CAPS: variants seen among roughly 807,000 people sequenced by gnomAD.
The protein encoded by CAPS is calcyphosin.
Under a neutral mutation model 15.5 loss-of-function variants are expected in CAPS, and 16 were observed. That is an observed-to-expected ratio of 1.03 (90% CI 0.70 to 1.57). The LOEUF (loss-of-function observed/expected upper bound fraction) is 1.57, where lower values mean the gene tolerates loss of function less well. Among genes scored for constraint, CAPS ranks in the 40% most tolerant of loss-of-function variants. CAPS has a pLI of 0.00. For missense variants in CAPS, 294 were observed against 278.4 expected, an observed-to-expected ratio of 1.06 and a Z score of -0.40; for synonymous variants, 121 against 116.0, an observed-to-expected ratio of 1.04 and a Z score of -0.28.
At chr19:5,914,790 A>G in intron 3 of CAPS, 50 bp downstream of exon 3, 2 of 1,574,138 alleles carry the variant, frequency 1.3e-6, no homozygotes, top group Non-Finnish European at 1.7e-6. Context: ...ATGGGGCGAC[A>G]GAGGATGCTG....
At chr19:5,914,887 T>G in intron 3 of CAPS, 53 bp from the exon 4 acceptor site, 1 of 1,564,180 alleles carries the variant, frequency 6.4e-7, no homozygotes, top group Non-Finnish European at 8.6e-7. Flanking sequence ...GCACAGCGTC[T>G]TGGGGGTTTG....
Position 5,914,734 on chromosome 19 carries a change from G to A in CAPS, c.255G>A (p.Ala85=), listed in dbSNP as rs1445791373. 34 of 1,607,934 alleles carry A rather than the reference G, an allele frequency of 2.1e-5. No homozygotes were observed. Among genetic ancestry groups the A allele is most frequent in the Non-Finnish European group, 2.6e-5 (31 of 1,177,016 alleles). The change falls in exon 3 of 5, where the codon GCG becomes GCA. Residue 85 remains alanine, a synonymous_variant. Coordinates refer to ENST00000588776, the MANE Select transcript of CAPS (RefSeq NM_004058.5). ...TGGATCTGGAGGAGTTCCTTCGGGC[G>A]CTGCGGGTGAGCCCCCACCTCACAG... ...GTLDLEEFLR[A]LRPPMSQARE...
rs778644633 is a variant in CAPS, at chr19:5,914,941, C to T, written c.263C>T (p.Pro88Leu). The T allele has an allele frequency of 1.2e-6, 2 of 1,601,996 alleles. No homozygotes were observed. The highest frequency in any genetic ancestry group is 1.3e-5 in the African/African-American group (1 of 75,026). ...DLEEFLRALR[P>L]PMSQAREAVI... ...CCCAGTCACCACCTCCTGTCCCAGC[C>T]CCCCATGTCCCAGGCCCGGGAGGCT... is the stretch of plus-strand genomic sequence containing the variant. The change falls in exon 4 of 5, where the codon CCC (proline) becomes CTC (leucine). Residue 88 changes from proline (P) to leucine (L), a missense_variant and splice_region_variant. Physicochemically the swap from Pro to Leu is moderately conservative, Grantham distance 98. Coordinates refer to ENST00000588776, the MANE Select transcript of CAPS (RefSeq NM_004058.5).
chr19:5,914,651 GAC>G lies in CAPS; in HGVS notation c.173_174del (p.Asp58AlafsTer94). The G allele has an allele frequency of 1.2e-6, 2 of 1,614,016 alleles. No homozygotes were observed. The highest frequency in any genetic ancestry group is 8.5e-7 in the Non-Finnish European group (1 of 1,179,970). On this transcript the variant is annotated frameshift_variant, in exon 3 of 5. Transcript: ENST00000588776. LOFTEE classifies it high-confidence loss of function. ...TCTGGCCAAACTCGGGCTGGTGCTGGACCAGGCGGAGGCAGAGGGTGTGTGCA... is the reference window on the plus strand; with the variant it reads ...TCTGGCCAAACTCGGGCTGGTGCTGGCAGGCGGAGGCAGAGGGTGTGTGCA... ...QGLAKLGLVL[D>X]QAEAEGVCRK...
At position 5,915,244 on chromosome 19, in the gene CAPS, C is replaced by A. The variant is rs755230605; in HGVS notation, c.492C>A (p.Asp164Glu). ...DGQVTLAEFQ[D>E]YYSGVSASMN... ...AGGTCACACTGGCGGAATTCCAGGA[C>A]TACTACAGCGGCGTGAGTGCCTCCA... Residue 164 changes from aspartate (D) to glutamate (E), a missense_variant, in exon 5 of 5, where the codon GAC (aspartate) becomes GAA (glutamate). Physicochemically the swap from Asp to Glu is conservative, Grantham distance 45. Coordinates refer to ENST00000588776, the MANE Select transcript of CAPS (RefSeq NM_004058.5). The A allele has an allele frequency of 1.2e-6, 2 of 1,613,100 alleles. No homozygotes were observed. The highest frequency in any genetic ancestry group is 1.7e-6 in the Non-Finnish European group (2 of 1,179,854).
In CAPS at chr19:5,915,312, GGCAGCTGTGA is replaced by G; in HGVS notation, c.567_*6del. On this transcript the variant is annotated frameshift_variant and stop_lost, in exon 5 of 5. Transcript: ENST00000588776. LOFTEE classifies it high-confidence loss of function. Reference sequence around the variant, plus strand: ...TTCGTGGCCATGATGACCAGTGCCTGGCAGCTGTGAGCAGCTCCGGCTCAGCCCTGCTGCC... The same window carrying G: ...TTCGTGGCCATGATGACCAGTGCCTGGCAGCTCCGGCTCAGCCCTGCTGCC... 1 of 1,609,560 alleles carries G rather than the reference GGCAGCTGTGA, an allele frequency of 6.2e-7. No homozygotes were observed. Among genetic ancestry groups the G allele is most frequent in the Non-Finnish European group, 8.5e-7 (1 of 1,178,916 alleles).
chr19:5,915,052 G>A lies in CAPS; in HGVS notation c.374G>A (p.Arg125His), dbSNP rs752411398. Residue 125 changes from arginine (R) to histidine (H), a missense_variant, in exon 4 of 5, where the codon CGT (arginine) becomes CAT (histidine). By Grantham distance (29) the Arg-to-His change is conservative. Coordinates refer to ENST00000588776, the MANE Select transcript of CAPS (RefSeq NM_004058.5). ...VDDLRGVYSG[R>H]AHPKVRSGEW... Reference sequence around the variant, plus strand: ...GACCTCCGCGGGGTGTACAGTGGCCGTGCCCACCCCAAGGTGCGCAGTGGG... The same window carrying A: ...GACCTCCGCGGGGTGTACAGTGGCCATGCCCACCCCAAGGTGCGCAGTGGG... 9.3e-6 allele frequency: 15 copies of A among 1,612,754 alleles called. No individual in the cohort carries two copies. Among genetic ancestry groups the A allele is most frequent in the Admixed American group, 1.7e-5 (1 of 59,988 alleles).
Position 5,914,632 on chromosome 19 carries a change from C to T in CAPS, c.153C>T (p.Ala51=). ...CTGATGAGTTCCGGCAGGGTCTGGC[C>T]AAACTCGGGCTGGTGCTGGACCAGG... ...LDADEFRQGL[A]KLGLVLDQAE... is the part of the protein sequence containing the mutation. The change falls in exon 3 of 5, where the codon GCC becomes GCT. Residue 51 remains alanine (A), a synonymous_variant. Transcript: ENST00000588776. 6.2e-7 allele frequency: 1 copy of T among 1,613,896 alleles called. No homozygotes were observed. The highest frequency in any genetic ancestry group is 8.5e-7 in the Non-Finnish European group (1 of 1,179,920).
At position 5,915,529 on chromosome 19, in the gene CAPS, G is replaced by A. The variant is rs2057726623; in HGVS notation, c.*207G>A. Reference sequence around the variant, plus strand: ...GACAAAGGTCCTAACAGGAGTCACTGGCTCAGGACCCCAGGGAGAAACGCT... The same window carrying A: ...GACAAAGGTCCTAACAGGAGTCACTAGCTCAGGACCCCAGGGAGAAACGCT... On this transcript the variant is annotated 3_prime_UTR_variant, in exon 5 of 5. Transcript: ENST00000588776. 2 of 558,834 alleles carry A rather than the reference G, an allele frequency of 3.6e-6. No homozygotes were observed. Among genetic ancestry groups the A allele is most frequent in the Non-Finnish European group, 6.4e-6 (2 of 312,974 alleles). 34.6% of individuals were successfully genotyped at this position (558,834 alleles called of 1,614,324 possible). A position where few individuals can be genotyped will look rare whatever the true frequency, so the allele number is the denominator to read the frequency against.
At position 5,915,026 on chromosome 19, in the gene CAPS, C is replaced by T. The variant is rs774638419; in HGVS notation, c.348C>T (p.Asp116=). 78 of 1,612,276 alleles carry T rather than the reference C, an allele frequency of 4.8e-5. No individual in the cohort carries two copies. The Admixed American group carries it at 6.7e-4, about 14-fold the overall frequency. Residue 116 remains aspartate (D), a synonymous_variant, in exon 4 of 5, where the codon GAC becomes GAT. Coordinates refer to ENST00000588776, the MANE Select transcript of CAPS (RefSeq NM_004058.5). ...DRSGDGVVTV[D]DLRGVYSGRA... The stretch of plus-strand genomic sequence containing the variant: ...GTGGGGACGGCGTCGTGACGGTGGA[C>T]GACCTCCGCGGGGTGTACAGTGGCC...
chr19:5,914,767 G>A (rs546796912), intron 3 of CAPS, 27 bp downstream of exon 3: 30 of 1,591,416 alleles, frequency 1.9e-5, no homozygotes, highest in Middle Eastern at 1.9e-4. Flanking sequence ...CAGTCAAGGC[G>A]TGTGCCCTGG....
chr19:5,914,784 G>A, intron 3 of CAPS, 44 bp downstream of exon 3: 1 of 1,576,782 alleles, frequency 6.3e-7, no homozygotes, highest in Non-Finnish European at 8.6e-7. Flanking sequence ...CTGGGCATGG[G>A]GCGACAGAGG....
At position 5,914,353 on chromosome 19, in the gene CAPS, G is replaced by C. The variant is rs149515111; in HGVS notation, c.-22-32G>C. 43 of 1,612,762 alleles carry C rather than the reference G, an allele frequency of 2.7e-5. No homozygotes were observed. The East Asian group carries it at 9.6e-4, about 36-fold the overall frequency. ...GGCAGTCGGCCAGGGTGGGCTTGCG[G>C]GAGTCCCCACCTTGACCTCTCTCCC... On this transcript the variant is annotated intron_variant, in intron 1 of 4. Coordinates refer to ENST00000588776, the MANE Select transcript of CAPS (RefSeq NM_004058.5).
chr19:5,914,419 G>A lies in CAPS; in HGVS notation c.13G>A (p.Asp5Asn), dbSNP rs1314970963. MDAV[D>N]ATMEKLRAQC... Reference sequence around the variant, plus strand: ...GCCCAGACCAAGCATGGACGCCGTGGATGCCACCATGGAGAAACTCCGGGC... The same window carrying A: ...GCCCAGACCAAGCATGGACGCCGTGAATGCCACCATGGAGAAACTCCGGGC... The change falls in exon 2 of 5, where the codon GAT becomes AAT. Residue 5 changes from aspartate to asparagine, a missense_variant. By Grantham distance (23) the Asp-to-Asn change is conservative. Coordinates refer to ENST00000588776, the MANE Select transcript of CAPS (RefSeq NM_004058.5). 1 of 1,613,196 alleles carries A rather than the reference G, an allele frequency of 6.2e-7. No individual in the cohort carries two copies. The highest frequency in any genetic ancestry group is 8.5e-7 in the Non-Finnish European group (1 of 1,179,984).
chr19:5,914,483 T>C lies in CAPS; in HGVS notation c.77T>C (p.Leu26Pro), dbSNP rs773315235. The stretch of plus-strand genomic sequence containing the variant: ...CGCGGGGCCTCGGGCATCCAGGGCC[T>C]GGCCAGGTGAGCTGTCCCCTCTCAC... ...LSRGASGIQG[L>P]ARFFRQLDRD... Residue 26 changes from leucine (L) to proline (P), a missense_variant, in exon 2 of 5, where the codon CTG (leucine) becomes CCG (proline). By Grantham distance (98) the Leu-to-Pro change is moderately conservative (BLOSUM62 -3). Coordinates refer to ENST00000588776, the MANE Select transcript of CAPS (RefSeq NM_004058.5). The C allele has an allele frequency of 3.7e-6, 6 of 1,611,004 alleles. No homozygotes were observed. In the African/African-American group the frequency reaches 8.0e-5, roughly 22 times the overall value.
Position 5,914,715 on chromosome 19 carries a change from TG to T in CAPS, c.238del (p.Glu80ArgfsTer34), listed in dbSNP as rs1180591440. 6.2e-7 allele frequency: 1 copy of T among 1,612,962 alleles called. No individual in the cohort carries two copies. Among genetic ancestry groups the T allele is most frequent in the South Asian group, 1.1e-5 (1 of 90,940 alleles). ...CGCAATGGCAGCGGGACGCTGGATCTGGAGGAGTTCCTTCGGGCGCTGCGGG... is the reference window on the plus strand; with the variant it reads ...CGCAATGGCAGCGGGACGCTGGATCTGAGGAGTTCCTTCGGGCGCTGCGGG... The part of the protein sequence containing the change: ...WDRNGSGTLD[L>X]EEFLRALRPP... On this transcript the variant is annotated frameshift_variant, in exon 3 of 5. Coordinates refer to ENST00000588776, the MANE Select transcript of CAPS (RefSeq NM_004058.5). LOFTEE classifies it high-confidence loss of function.
At chr19:5,915,196 C>T (rs1435456551) in intron 4 of CAPS, 25 bp from the exon 5 acceptor site, 3 of 1,608,066 alleles carry the variant, frequency 1.9e-6, no homozygotes, top group Admixed American at 3.3e-5. Context: ...CTCGGCCGTG[C>T]CCCCTCACGG....
chr19:5,914,743 G>T lies in CAPS; in HGVS notation c.261+3G>T. ...AGGAGTTCCTTCGGGCGCTGCGGGT[G>T]AGCCCCCACCTCACAGTCAAGGCGT... is the stretch of plus-strand genomic sequence containing the variant. On this transcript the variant is annotated splice_donor_region_variant and intron_variant, in intron 3 of 4. Transcript: ENST00000588776. 1 of 1,605,528 alleles carries T rather than the reference G, an allele frequency of 6.2e-7. No homozygotes were observed. The highest frequency in any genetic ancestry group is 8.5e-7 in the Non-Finnish European group (1 of 1,175,582).
Position 5,915,005 on chromosome 19 carries a change from G to C in CAPS, c.327G>C (p.Gly109=). 1 of 1,611,768 alleles carries C rather than the reference G, an allele frequency of 6.2e-7. No individual in the cohort carries two copies. The change falls in exon 4 of 5, where the codon GGG becomes GGC. Residue 109 remains glycine (G), a synonymous_variant. Transcript: ENST00000588776. ...CATTTGCCAAGCTGGACCGCAGTGGGGACGGCGTCGTGACGGTGGACGACC... is the reference window on the plus strand; with the variant it reads ...CATTTGCCAAGCTGGACCGCAGTGGCGACGGCGTCGTGACGGTGGACGACC... ...AAAFAKLDRS[G]DGVVTVDDLR...
Sources: allele counts gnomAD v4.1 joint callset, GRCh38; gene constraint gnomAD v4.1.1; transcripts MANE v1.5; gene names NCBI Gene and HGNC (gene_info 2026-07-23, HGNC 2026-07-21).